GRM7: variants seen among roughly 807,000 people sequenced by gnomAD.
GRM7 encodes the protein metabotropic glutamate receptor 7.
In GRM7, 35 loss-of-function variants were observed where a neutral mutation model predicts 84.5. That is an observed-to-expected ratio of 0.41 (90% confidence interval 0.32 to 0.55). The LOEUF (loss-of-function observed/expected upper bound fraction) is 0.55. GRM7 is among the 20% of genes least tolerant of loss of function. GRM7 has a pLI of 0.19. For missense variants in GRM7, 1,003 were observed against 1,194.6 expected (o/e 0.84, Z 2.36); for synonymous variants, 487 against 455.1 (o/e 1.07, Z -0.89).
chr3:7,500,553 C>T (rs752034929), intron 7 of GRM7, among the ~76,000 whole-genome samples: 28 of 152,198 alleles, frequency 1.8e-4, no homozygotes, highest in Non-Finnish European at 3.7e-4. Flanking sequence ...TGCCCAGAGG[C>T]CTGGAGGGAA....
At chr3:7,308,169 T>A (rs1170272919) in intron 4 of GRM7, among the ~76,000 whole-genome samples, 1 of 152,204 alleles carries the variant, frequency 6.6e-6, no homozygotes, top group African/African-American at 2.4e-5. Flanking sequence ...AATGTTCCTA[T>A]TTACAAGACA....
chr3:7,324,968 A>G (rs528144214), intron 4 of GRM7, among the ~76,000 whole-genome samples: 90 of 152,322 alleles, frequency 5.9e-4, no homozygotes, highest in Non-Finnish European at 1.0e-3. Context: ...CGTGTAATTT[A>G]TCTCCTCACT....
chr3:7,349,881 T>G (rs114339137), intron 4 of GRM7, among the ~76,000 whole-genome samples: 2,238 of 152,236 alleles, frequency 0.015, 51 homozygotes, highest in African/African-American at 0.045. Flanking sequence ...CCTCCTCTTT[T>G]TTTTCTTTTC....
At chr3:7,592,994 A>G (rs543853323) in intron 8 of GRM7, among the ~76,000 whole-genome samples, 151 of 152,318 alleles carry the variant, frequency 9.9e-4, no homozygotes, top group South Asian at 2.3e-3. Context: ...CATGGATAAG[A>G]TAATGGGGCT....
At chr3:7,452,203 G>GGT (rs1490682354) in intron 5 of GRM7, among the ~76,000 whole-genome samples, 1 of 152,060 alleles carries the variant, frequency 6.6e-6, no homozygotes, top group African/African-American at 2.4e-5. Flanking sequence ...CGGTACAATA[G>GGT]GTGTGTAGAA....
At chr3:7,667,374 C>T (rs908093275) in intron 8 of GRM7, among the ~76,000 whole-genome samples, 3 of 151,682 alleles carry the variant, frequency 2.0e-5, no homozygotes, top group Admixed American at 2.0e-4. Context: ...GATGGGTGGG[C>T]CTGACATCCC....
At chr3:7,717,259 CA>C (rs1701797241) in intron 9 of GRM7, among the ~76,000 whole-genome samples, 1 of 151,856 alleles carries the variant, frequency 6.6e-6, no homozygotes, top group South Asian at 2.1e-4. Context: ...AAAAGACTTC[CA>C]AAACTTACTT....
At chr3:7,146,725 A>C in intron 2 of GRM7, 57 bp downstream of exon 2, 1 of 1,236,980 alleles carries the variant, frequency 8.1e-7, no homozygotes, top group South Asian at 1.2e-5. Flanking sequence ...TGGCTTGTAG[A>C]GTTCTCTTCA....
intron 4 of GRM7, among the ~76,000 whole-genome samples, chr3:7,400,148 C>T (rs925971700): frequency 2.0e-5 from 3 of 152,062 alleles, no homozygotes; most frequent in African/African-American, 2.4e-5. Context: ...ATATTGTGTC[C>T]ATCTTTCCCA....
chr3:7,718,733 G>T (rs1701843733), intron 9 of GRM7, among the ~76,000 whole-genome samples: 1 of 152,188 alleles, frequency 6.6e-6, no homozygotes, highest in African/African-American at 2.4e-5. Context: ...CTAGTTGGGA[G>T]GTGGTTGACA....
intron 9 of GRM7, among the ~76,000 whole-genome samples, chr3:7,688,512 A>G (rs1700670730): frequency 1.3e-5 from 2 of 152,272 alleles, no homozygotes; most frequent in African/African-American, 4.8e-5. Context: ...CATTAATGAT[A>G]AACATTTTGT....
chr3:7,732,245 C>T lies in GRM7; in HGVS notation c.2699-8112C>T, dbSNP rs373140178. ...GGGCAGGAAGGGCAATTACAAAAGG[C>T]TTCTCTATGGTAACACATCCCAAAA... On this transcript the variant is annotated intron_variant, in intron 9 of 9. Transcript: ENST00000357716. 9.9e-5 allele frequency among the ~76,000 whole-genome samples: 15 copies of T among 152,264 alleles called. No homozygotes were observed. In the East Asian group the frequency reaches 2.7e-3, roughly 27 times the overall value.
At chr3:7,550,628 T>C (rs1693422543) in intron 7 of GRM7, among the ~76,000 whole-genome samples, 1 of 135,194 alleles carries the variant, frequency 7.4e-6, no homozygotes, top group Non-Finnish European at 1.6e-5. Flanking sequence ...TATTTTCTCC[T>C]TCCACCACAC....
intron 4 of GRM7, among the ~76,000 whole-genome samples, chr3:7,342,255 C>T (rs890075763): frequency 3.3e-5 from 5 of 152,262 alleles, no homozygotes; most frequent in Admixed American, 3.3e-4. Flanking sequence ...TTCAGTCTGG[C>T]TTCAACTGTT....
chr3:7,232,749 A>G (rs988948728), intron 2 of GRM7, among the ~76,000 whole-genome samples: 2 of 152,178 alleles, frequency 1.3e-5, no homozygotes, highest in Non-Finnish European at 2.9e-5. Flanking sequence ...TTTATTAGCA[A>G]TATCTTGCAG....
At chr3:7,203,106 C>A (rs1437311778) in intron 2 of GRM7, among the ~76,000 whole-genome samples, 3 of 152,276 alleles carry the variant, frequency 2.0e-5, no homozygotes, top group Non-Finnish European at 4.4e-5. Context: ...CACAAAATAT[C>A]ATTGCTAAGT....
At chr3:7,004,830 CT>C (rs1450525878) in intron 1 of GRM7, among the ~76,000 whole-genome samples, 3 of 152,138 alleles carry the variant, frequency 2.0e-5, no homozygotes, top group African/African-American at 7.2e-5. Flanking sequence ...TTAGAGGCCC[CT>C]ACAAGAAGCT....
intron 2 of GRM7, among the ~76,000 whole-genome samples, chr3:7,156,257 A>G (rs1196618311): frequency 1.3e-5 from 2 of 152,196 alleles, no homozygotes; most frequent in South Asian, 2.1e-4. Context: ...TACAGTCAGG[A>G]GAGGATGGTC....
chr3:6,942,629 TG>T (rs1357188835), intron 1 of GRM7, among the ~76,000 whole-genome samples: 5 of 152,104 alleles, frequency 3.3e-5, no homozygotes, highest in Admixed American at 6.5e-5. Context: ...TCCATATACT[TG>T]TTGATGGGAA....
Sources: allele counts gnomAD v4.1 joint callset (sites outside exome capture counted in the v4.1 genomes callset), GRCh38; gene constraint gnomAD v4.1.1; transcripts MANE v1.5; gene names NCBI Gene and HGNC (gene_info 2026-07-23, HGNC 2026-07-21).